Variants in PPP2R3B observed in about 807,000 individuals in gnomAD.
PPP2R3B encodes the protein protein phosphatase 2 regulatory subunit B''beta.
In PPP2R3B, 68 loss-of-function variants were observed where a neutral mutation model predicts 72.9. The observed-to-expected ratio is 0.93, with a 90% CI of 0.77 to 1.14. The LOEUF is 1.14. Among genes scored for constraint, PPP2R3B ranks in the 50% most tolerant of loss-of-function variants. The probability of loss-of-function intolerance (pLI) is 0.00; values close to 1 mark genes in which losing one functional copy is unlikely to be tolerated. For synonymous variants in PPP2R3B, 466 were observed against 375.8 expected (o/e 1.24, Z -2.78); for missense variants, 1,018 against 842.0 (o/e 1.21, Z -2.59).
intron 1 of PPP2R3B, among the ~76,000 whole-genome samples, chrX:376,427 C>G (rs1275814340): frequency 2.0e-5 from 3 of 146,642 alleles, no homozygotes; most frequent in Non-Finnish European, 3.0e-5. Context: ...TGTCCACACT[C>G]GACAGAGCCC....
chrX:386,223 G>T (rs1032256099), intron 1 of PPP2R3B, 145 bp downstream of exon 1: 7 of 462,616 alleles, frequency 1.5e-5, no homozygotes, highest in Non-Finnish European at 2.4e-5. Context: ...TGTGTGTGGT[G>T]GGGGGGGTCG....
intron 1 of PPP2R3B, among the ~76,000 whole-genome samples, chrX:375,584 G>A (rs991421854): frequency 2.0e-5 from 3 of 150,526 alleles, no homozygotes; most frequent in Non-Finnish European, 4.4e-5. Flanking sequence ...CAGAGGTGCC[G>A]CCCAGTCACC....
intron 1 of PPP2R3B, among the ~76,000 whole-genome samples, chrX:363,395 A>T (rs36153990): frequency 0.091 from 49 of 540 alleles, no homozygotes; most frequent in East Asian, 0.13. Context: ...CATCTCCCCG[A>T]GCCCGCAATC....
Position 386,697 on chromosome X carries a change from G to A in PPP2R3B, c.-6C>T, listed in dbSNP as rs1425950320. On this transcript the variant is annotated 5_prime_UTR_variant, in exon 1 of 13. Coordinates refer to ENST00000390665, the MANE Select transcript of PPP2R3B (RefSeq NM_013239.5). Reference sequence around the variant, plus strand: ...AGCACTTTGCCGGGCGGCATGGCGGGGGCTGGGCCCGCGGCGCCCCCGGAC... The same window carrying A: ...AGCACTTTGCCGGGCGGCATGGCGGAGGCTGGGCCCGCGGCGCCCCCGGAC... 57 of 1,276,662 alleles carry A rather than the reference G, an allele frequency of 4.5e-5. No individual in the cohort carries two copies. The highest frequency in any genetic ancestry group is 5.6e-5 in the Non-Finnish European group (57 of 1,015,912). 79.1% of individuals were successfully genotyped at this position (1,276,662 alleles called of 1,614,324 possible).
intron 12 of PPP2R3B, chrX:335,475 C>T (rs1477298397): frequency 1.3e-5 from 2 of 152,250 alleles, no homozygotes; most frequent in Admixed American, 1.3e-4. Flanking sequence ...CGCAGGGGCC[C>T]TGTGCTGCTT....
chrX:342,396 G>A (rs1461217209), intron 7 of PPP2R3B, among the ~76,000 whole-genome samples: 1 of 129,020 alleles, frequency 7.8e-6, no homozygotes, highest in Non-Finnish European at 1.7e-5. Flanking sequence ...CCTCAGCAAC[G>A]GGAGGCGGGA....
chrX:367,676 G>A (rs1244118125), intron 1 of PPP2R3B, among the ~76,000 whole-genome samples: 2 of 152,226 alleles, frequency 1.3e-5, no homozygotes, highest in Non-Finnish European at 2.9e-5. Flanking sequence ...GGATGAGACG[G>A]TCACAGTCCA....
intron 1 of PPP2R3B, among the ~76,000 whole-genome samples, chrX:372,002 C>T (rs777148063): frequency 2.0e-5 from 3 of 152,330 alleles, no homozygotes; most frequent in East Asian, 1.9e-4. Flanking sequence ...ACAGTCCTCA[C>T]AGGTGCATCG....
At chrX:385,622 AAAATAAAT>A (rs745496051) in intron 1 of PPP2R3B, among the ~76,000 whole-genome samples, 3 of 151,810 alleles carry the variant, frequency 2.0e-5, no homozygotes, top group Non-Finnish European at 4.4e-5. Flanking sequence ...CGTCTCTGCA[AAAATAAAT>A]AAATAAATAA....
intron 2 of PPP2R3B, 79 bp from the exon 3 acceptor site, chrX:347,772 G>A (rs1478804661): frequency 1.3e-5 from 14 of 1,079,780 alleles, no homozygotes; most frequent in African/African-American, 3.2e-5. Flanking sequence ...GCGCCTGACC[G>A]ACGCCGCCCA....
At chrX:363,345 A>T (rs867427522) in intron 1 of PPP2R3B, among the ~76,000 whole-genome samples, 1 of 132,572 alleles carries the variant, frequency 7.5e-6, no homozygotes, top group Non-Finnish European at 1.6e-5. Context: ...CGAGCCCACC[A>T]TCCCGCAGTG....
At position 346,330 on chromosome X, in the gene PPP2R3B, G is replaced by A. The variant is rs1029517835; in HGVS notation, c.793-70C>T. 24 of 1,450,792 alleles carry A rather than the reference G, an allele frequency of 1.7e-5. No individual in the cohort carries two copies. In the African/African-American group the frequency reaches 3.0e-4, roughly 18 times the overall value. The allele number at this position is 1,450,792 out of a possible 1,614,324, so 89.9% of individuals were successfully genotyped here. A position where few individuals can be genotyped will look rare whatever the true frequency, so the allele number is the denominator to read the frequency against. On this transcript the variant is annotated intron_variant, in intron 5 of 12. Transcript: ENST00000390665. Reference sequence around the variant, plus strand: ...GAGCCTCGCCCCGCACGGAGACCGGGAGCCGGGAGAGGGGCGCGCCCTTGG... The same window carrying A: ...GAGCCTCGCCCCGCACGGAGACCGGAAGCCGGGAGAGGGGCGCGCCCTTGG...
At chrX:367,929 G>C (rs1471258652) in intron 1 of PPP2R3B, among the ~76,000 whole-genome samples, 9 of 152,232 alleles carry the variant, frequency 5.9e-5, no homozygotes, top group Non-Finnish European at 1.5e-5. Context: ...GTGACACAAG[G>C]TGATGGACAG....
Position 386,624 on chromosome X carries a change from A to G in PPP2R3B, c.68T>C (p.Leu23Pro). ...MKVDELFLYW[L>P]SEASTQRMLQ... ...CATCCGCTGCGTGCTGGCCTCGCTG[A>G]GCCAGTACAGGAACAGCTCGTCCAC... Residue 23 changes from leucine (L) to proline (P), a missense_variant, in exon 1 of 13, where the codon CTC (leucine) becomes CCC (proline). By Grantham distance (98) the Leu-to-Pro change is moderately conservative. Transcript: ENST00000390665. 2.1e-6 allele frequency: 3 copies of G among 1,449,766 alleles called. No individual in the cohort carries two copies. The highest frequency in any genetic ancestry group is 1.5e-5 in the African/African-American group (1 of 68,040). 89.8% of individuals were successfully genotyped at this position (1,449,766 alleles called of 1,614,324 possible).
At chrX:336,976 T>C (rs1296818530) in intron 12 of PPP2R3B, 1 of 152,206 alleles carries the variant, frequency 6.6e-6, no homozygotes, top group Non-Finnish European at 1.5e-5. Context: ...GTTTTGGAAA[T>C]GGAGTTTTGC....
In PPP2R3B at chrX:341,411, A is replaced by C; in HGVS notation, c.1086-15T>G. ...CTTTTCTGCCTCTAGATCGAAAGCC[A>C]GGATGGAGAGACGAAGATGCATGTC... is the stretch of plus-strand genomic sequence containing the variant. On this transcript the variant is annotated splice_polypyrimidine_tract_variant and intron_variant, in intron 8 of 12. Coordinates refer to ENST00000390665, the MANE Select transcript of PPP2R3B (RefSeq NM_013239.5). 5 of 1,611,620 alleles carry C rather than the reference A, an allele frequency of 3.1e-6. No homozygotes were observed. Among genetic ancestry groups the C allele is most frequent in the Non-Finnish European group, 4.2e-6 (5 of 1,178,894 alleles).
intron 1 of PPP2R3B, among the ~76,000 whole-genome samples, chrX:384,297 T>TATATAC (rs1556284597): frequency 6.1e-5 from 9 of 148,646 alleles, no homozygotes; most frequent in African/African-American, 1.8e-4. Context: ...TATATATATA[T>TATATAC]ACTTTTTTTT....
At position 386,778 on chromosome X, in the gene PPP2R3B, A is replaced by G; in HGVS notation, c.-87T>C. 1 of 832,216 alleles carries G rather than the reference A, an allele frequency of 1.2e-6. No homozygotes were observed. Among genetic ancestry groups the G allele is most frequent in the Non-Finnish European group, 1.5e-6 (1 of 646,270 alleles). The allele number at this position is 832,216 out of a possible 1,614,324, so 51.6% of individuals were successfully genotyped here. ...GGTCCGCCCCGGACCGACCTCGGTG[A>G]TGCGAGCACGGCCCGCTGAGGGGGC... On this transcript the variant is annotated 5_prime_UTR_variant, in exon 1 of 13. Coordinates refer to ENST00000390665, the MANE Select transcript of PPP2R3B (RefSeq NM_013239.5).
At chrX:338,440 GC>G in intron 12 of PPP2R3B, 163 bp downstream of exon 12, 1 of 696,526 alleles carries the variant, frequency 1.4e-6, no homozygotes, top group Non-Finnish European at 2.5e-6. Flanking sequence ...TACCTCACCG[GC>G]CCCGTGTCAG....
Sources: gnomAD v4.1 joint callset for allele counts (sites outside exome capture counted in the v4.1 genomes callset) on GRCh38, gnomAD v4.1.1 for gene constraint, MANE v1.5 for transcripts, NCBI Gene and HGNC (gene_info 2026-07-23, HGNC 2026-07-21) for gene names.